The following PLSCR4 variants were observed in gnomAD, a reference collection of about 807,000 sequenced individuals.
PLSCR4 encodes the protein phospholipid scramblase 4, also known as Ca(2+)-dependent phospholipid scramblase 4.
Under a neutral mutation model 36.3 loss-of-function variants are expected in PLSCR4, and 25 were observed. The ratio of observed to expected loss-of-function variants is 0.69; its 90% CI spans 0.50 to 0.96. The LOEUF (loss-of-function observed/expected upper bound fraction) is 0.96. PLSCR4 is among the 40% of genes least tolerant of loss of function. PLSCR4 has a pLI of 0.00. For synonymous variants in PLSCR4, 122 were observed against 132.9 expected (o/e 0.92, Z 0.56); for missense variants, 408 against 414.7 (o/e 0.98, Z 0.14).
intron 6 of PLSCR4, 101 bp downstream of exon 6, chr3:146,199,712 G>A: frequency 1.1e-6 from 1 of 936,994 alleles, no homozygotes; most frequent in Non-Finnish European, 1.7e-6. Flanking sequence ...ATTCTGGCTG[G>A]CAGGGCCAGG....
chr3:146,196,552 A>T, intron 7 of PLSCR4, 80 bp downstream of exon 7: 1 of 1,337,036 alleles, frequency 7.5e-7, no homozygotes, highest in Non-Finnish European at 1.1e-6. Context: ...TTAAAAAAAA[A>T]TGTCTACAAC....
chr3:146,233,793 C>T (rs1164078863), intron 1 of PLSCR4, among the ~76,000 whole-genome samples: 1 of 152,086 alleles, frequency 6.6e-6, no homozygotes, highest in Non-Finnish European at 1.5e-5. Context: ...TAGTATTCTA[C>T]AAAACAAACC....
intron 3 of PLSCR4, among the ~76,000 whole-genome samples, chr3:146,216,039 T>A (rs1394531905): frequency 6.6e-6 from 1 of 152,138 alleles, no homozygotes; most frequent in African/African-American, 2.4e-5. Context: ...GAGACCAGCC[T>A]GGCCAACATG....
chr3:146,211,840 C>G (rs1434893135), intron 3 of PLSCR4, among the ~76,000 whole-genome samples: 11 of 152,056 alleles, frequency 7.2e-5, no homozygotes. Context: ...TTTTGACATG[C>G]TTGTAAAAAA....
intron 3 of PLSCR4, among the ~76,000 whole-genome samples, chr3:146,210,577 T>C (rs1399727244): frequency 2.0e-5 from 3 of 152,064 alleles, no homozygotes; most frequent in Admixed American, 2.0e-4. Context: ...AGGATCTCTA[T>C]GGCAAAACTT....
intron 1 of PLSCR4, among the ~76,000 whole-genome samples, chr3:146,224,441 G>A (rs1427230559): frequency 6.6e-6 from 1 of 151,950 alleles, no homozygotes; most frequent in African/African-American, 2.4e-5. Flanking sequence ...GCGGACCCTC[G>A]CGGTGAGTGT....
Position 146,206,608 on chromosome 3 carries a change from G to C in PLSCR4, c.272C>G (p.Pro91Arg), listed in dbSNP as rs781152942. ...CCATGTTATTGGAACAGACTGATTT[G>C]GCATAGGATATTTGCCAGGCTGATA... is the stretch of plus-strand genomic sequence containing the variant. Reference protein sequence around the residue: ...VRYQPGKYPMPNQSVPITWMP... With the variant: ...VRYQPGKYPMRNQSVPITWMP... Residue 91 changes from proline to arginine, a missense_variant, in exon 4 of 9, where the codon CCA becomes CGA. Pro to Arg is a moderately radical substitution (Grantham distance 103). Coordinates refer to ENST00000354952, the MANE Select transcript of PLSCR4 (RefSeq NM_020353.3). The C allele has an allele frequency of 6.2e-6, 10 of 1,613,536 alleles. No homozygotes were observed. The highest frequency in any genetic ancestry group is 1.7e-5 in the Admixed American group (1 of 59,898).
At chr3:146,219,048 G>A (rs530388211) in intron 3 of PLSCR4, among the ~76,000 whole-genome samples, 22 of 152,244 alleles carry the variant, frequency 1.4e-4, no homozygotes, top group African/African-American at 4.6e-4. Flanking sequence ...GAGTCACAGA[G>A]ACAATTTTTG....
chr3:146,207,440 TG>T (rs11336226), intron 3 of PLSCR4, among the ~76,000 whole-genome samples: 7,193 of 152,166 alleles, frequency 0.047, 199 homozygotes, highest in South Asian at 0.072. Context: ...TTCTGGAGGC[TG>T]GGAAGTTCAA....
In PLSCR4 at chr3:146,243,969, C is replaced by T. The variant is rs369956947; in HGVS notation, c.-22+6991G>A. Among the ~76,000 whole-genome samples the T allele has an allele frequency of 3.7e-4, 57 of 152,288 alleles. 5 individuals are homozygous for T. The South Asian group carries it at 8.9e-3, about 24-fold the overall frequency. ...CTTATTGGTGGCTTTCCGACACAGG[C>T]ATTCTGGAGATACTACTGTGCTGCT... On this transcript the variant is annotated intron_variant, in intron 1 of 8. Transcript: ENST00000354952.
intron 7 of PLSCR4, among the ~76,000 whole-genome samples, chr3:146,196,216 G>A (rs1170129208): frequency 1.3e-5 from 2 of 152,034 alleles, no homozygotes; most frequent in African/African-American, 4.8e-5. Context: ...CTGCAAATAA[G>A]TATTTCCACA....
chr3:146,231,136 G>A (rs1232642474), intron 1 of PLSCR4, among the ~76,000 whole-genome samples: 1 of 152,134 alleles, frequency 6.6e-6, no homozygotes. Context: ...TTCTGTTCTT[G>A]TGTTAATTCC....
chr3:146,244,183 C>T (rs1310920379), intron 1 of PLSCR4, among the ~76,000 whole-genome samples: 1 of 152,094 alleles, frequency 6.6e-6, no homozygotes, highest in African/African-American at 2.4e-5. Context: ...ATACTGATAC[C>T]TTTGCTTTCT....
At chr3:146,235,533 G>A (rs2035880314) in intron 1 of PLSCR4, among the ~76,000 whole-genome samples, 1 of 152,038 alleles carries the variant, frequency 6.6e-6, no homozygotes, top group Non-Finnish European at 1.5e-5. Flanking sequence ...CCCAGTCTCA[G>A]GTATTTTTTT....
At chr3:146,232,421 T>A (rs2035749621) in intron 1 of PLSCR4, among the ~76,000 whole-genome samples, 1 of 152,174 alleles carries the variant, frequency 6.6e-6, no homozygotes, top group African/African-American at 2.4e-5. Flanking sequence ...ATCTGTACAT[T>A]GCTTTGGGCA....
chr3:146,217,617 T>G (rs1304890681), intron 3 of PLSCR4, among the ~76,000 whole-genome samples: 4 of 152,240 alleles, frequency 2.6e-5, no homozygotes, highest in African/African-American at 9.6e-5. Flanking sequence ...GGAGAAATGG[T>G]AATTGACATT....
intron 4 of PLSCR4, among the ~76,000 whole-genome samples, chr3:146,204,758 T>C (rs1201958359): frequency 2.6e-5 from 4 of 152,052 alleles, no homozygotes; most frequent in African/African-American, 7.2e-5. Flanking sequence ...TAGAAGATGT[T>C]AGATTCCCAA....
chr3:146,203,831 CTT>C (rs770607821), intron 4 of PLSCR4, among the ~76,000 whole-genome samples: 1 of 151,996 alleles, frequency 6.6e-6, no homozygotes, highest in Non-Finnish European at 1.5e-5. Flanking sequence ...CAATTAGGCT[CTT>C]TTACTTTTCA....
chr3:146,233,953 C>A (rs1214809374), intron 1 of PLSCR4, among the ~76,000 whole-genome samples: 1 of 112,406 alleles, frequency 8.9e-6, no homozygotes, highest in Non-Finnish European at 2.0e-5. Flanking sequence ...AAATTCCACT[C>A]GGTAAGGGTT....
Sources: allele counts gnomAD v4.1 joint callset (sites outside exome capture counted in the v4.1 genomes callset), GRCh38; gene constraint gnomAD v4.1.1; transcripts MANE v1.5; gene names NCBI Gene and HGNC (gene_info 2026-07-23, HGNC 2026-07-21).